The following STK38L variants were observed in gnomAD, a reference collection of about 807,000 sequenced individuals.
The protein encoded by STK38L is serine/threonine-protein kinase 38-like.
Under a neutral mutation model 59.7 loss-of-function variants are expected in STK38L, and 28 were observed. The observed-to-expected ratio is 0.47, with a 90% CI of 0.35 to 0.64. The LOEUF (loss-of-function observed/expected upper bound fraction) is 0.64. Among genes scored for constraint, STK38L ranks in the 30% least tolerant of loss-of-function variants. The pLI, the probability that STK38L is intolerant of heterozygous loss-of-function variation, is 0.01. For synonymous variants in STK38L, 162 were observed against 176.8 expected (o/e 0.92, Z 0.66); for missense variants, 314 against 555.8 (o/e 0.56, Z 4.37).
intron 1 of STK38L, 26 bp from the exon 2 acceptor site, chr12:27,297,681 GAAT>G: frequency 6.3e-7 from 1 of 1,576,648 alleles, no homozygotes; most frequent in Non-Finnish European, 8.6e-7. Flanking sequence ...TTTTCCCACT[GAAT>G]AATTTGTTTT....
chr12:27,262,415 A>G (rs1481744235), intron 1 of STK38L, among the ~76,000 whole-genome samples: 6 of 152,208 alleles, frequency 3.9e-5, no homozygotes, highest in African/African-American at 4.8e-5. Flanking sequence ...CAAAATACCT[A>G]TTGAGAAAGC....
chr12:27,248,093 T>C (rs1332251814), intron 1 of STK38L, among the ~76,000 whole-genome samples: 1 of 152,164 alleles, frequency 6.6e-6, no homozygotes, highest in East Asian at 1.9e-4. Context: ...GGATTACAGG[T>C]GTGAGCCAAT....
At chr12:27,293,880 G>T (rs1943950953) in intron 1 of STK38L, 1 of 152,184 alleles carries the variant, frequency 6.6e-6, no homozygotes, top group African/African-American at 2.4e-5. Flanking sequence ...TTTACCTTTT[G>T]TTAAGGCAAA....
chr12:27,301,481 C>T (rs550751549), intron 2 of STK38L, among the ~76,000 whole-genome samples: 84 of 152,224 alleles, frequency 5.5e-4, no homozygotes, highest in African/African-American at 1.9e-3. Context: ...AAGATGGTCT[C>T]GATCTCCTGA....
chr12:27,283,614 G>T (rs1943706994), intron 1 of STK38L, among the ~76,000 whole-genome samples: 1 of 152,198 alleles, frequency 6.6e-6, no homozygotes, highest in Admixed American at 6.5e-5. Context: ...TGGGAGGTAG[G>T]ATTGTGAGGT....
At chr12:27,277,555 A>G (rs1447138447) in intron 1 of STK38L, among the ~76,000 whole-genome samples, 1 of 152,194 alleles carries the variant, frequency 6.6e-6, no homozygotes, top group African/African-American at 2.4e-5. Context: ...AGGAAGGAAG[A>G]GCTGTCTACC....
At position 27,309,102 on chromosome 12, in the gene STK38L, TTTATCTTTTAGGTGCGG is replaced by T; in HGVS notation, c.310-9_317del. On this transcript the variant is annotated splice_acceptor_variant and splice_polypyrimidine_tract_variant and coding_sequence_variant and intron_variant, in exon 5 of 14. Transcript: ENST00000389032. LOFTEE classifies it high-confidence loss of function. ...AGTGACTGTTTTATAATATATGTTT[TTTATCTTTTAGGTGCGG>T]TTGGTCCAGAAGAAAGATACAGGCC... 1 of 1,557,762 alleles carries T rather than the reference TTTATCTTTTAGGTGCGG, an allele frequency of 6.4e-7. No homozygotes were observed. The highest frequency in any genetic ancestry group is 8.7e-7 in the Non-Finnish European group (1 of 1,153,332).
intron 2 of STK38L, chr12:27,300,575 C>A: frequency 2.2e-6 from 1 of 456,020 alleles, no homozygotes; most frequent in Non-Finnish European, 4.4e-6. Flanking sequence ...GGAAATCATT[C>A]AACAAGCAGC....
rs1419771567 is a variant in STK38L at position 27,308,276 on chromosome 12, T to C, written c.187-63T>C. On this transcript the variant is annotated intron_variant, in intron 3 of 13. Transcript: ENST00000389032. This position sits in a 1 kb window ranked among gnomAD's most constrained non-coding sequence, Gnocchi z 4.5. ...TTTTACGTGTATCATCTTTTAATACTAGAAGCTCCATCAAAACAACCTAAT... is the reference window on the plus strand; with the variant it reads ...TTTTACGTGTATCATCTTTTAATACCAGAAGCTCCATCAAAACAACCTAAT... 18 of 1,401,310 alleles carry C rather than the reference T, an allele frequency of 1.3e-5. No homozygotes were observed. Among genetic ancestry groups the C allele is most frequent in the Non-Finnish European group, 1.7e-5 (18 of 1,056,004 alleles). The allele number at this position is 1,401,310 out of a possible 1,614,324, so 86.8% of individuals were successfully genotyped here.
chr12:27,282,263 T>A (rs926229813), intron 1 of STK38L, among the ~76,000 whole-genome samples: 1 of 152,090 alleles, frequency 6.6e-6, no homozygotes, highest in Non-Finnish European at 1.5e-5. Flanking sequence ...TAAATATAGT[T>A]CCTGCATGAG....
Position 27,285,679 on chromosome 12 carries a change from A to G in STK38L, c.-11-12031A>G, listed in dbSNP as rs888532634. 1.2e-4 allele frequency among the ~76,000 whole-genome samples: 18 copies of G among 152,172 alleles called. No individual in the cohort carries two copies. The South Asian group carries it at 1.4e-3, about 12-fold the overall frequency. On this transcript the variant is annotated intron_variant, in intron 1 of 13. Transcript: ENST00000389032. ...CATCAGTTGTTCTCTGGTCACACCAAACCTTCACTTTTTAGCTCCAAATAT... is the reference window on the plus strand; with the variant it reads ...CATCAGTTGTTCTCTGGTCACACCAGACCTTCACTTTTTAGCTCCAAATAT...
chr12:27,277,620 A>G (rs1478043079), intron 1 of STK38L, among the ~76,000 whole-genome samples: 1 of 152,182 alleles, frequency 6.6e-6, no homozygotes, highest in African/African-American at 2.4e-5. Context: ...GAGATATCTT[A>G]TCTCATAATT....
In STK38L at chr12:27,308,323, TG is replaced by T. The variant is rs746245149; in HGVS notation, c.187-15del. 15 of 1,524,956 alleles carry T rather than the reference TG, an allele frequency of 9.8e-6. No individual in the cohort carries two copies. Among genetic ancestry groups the T allele is most frequent in the South Asian group, 1.3e-5 (1 of 79,420 alleles). 94.5% of individuals were successfully genotyped at this position (1,524,956 alleles called of 1,614,324 possible). On this transcript the variant is annotated splice_polypyrimidine_tract_variant and intron_variant, in intron 3 of 13. Transcript: ENST00000389032. This position sits in a 1 kb window ranked among gnomAD's most constrained non-coding sequence, Gnocchi z 4.5. Reference sequence around the variant, plus strand: ...TAATTATAAAATCATCCGTTTAAATTGTTTTTTTTTAATAGAAAAAGTTACG... The same window carrying T: ...TAATTATAAAATCATCCGTTTAAATTTTTTTTTTTAATAGAAAAAGTTACG...
chr12:27,287,891 G>T (rs1201134401), intron 1 of STK38L, among the ~76,000 whole-genome samples: 2 of 152,066 alleles, frequency 1.3e-5, no homozygotes, highest in Non-Finnish European at 2.9e-5. Flanking sequence ...GGTTTGGTTT[G>T]GTTTTGTTTG....
intron 1 of STK38L, among the ~76,000 whole-genome samples, chr12:27,279,840 C>T (rs1223433876): frequency 6.6e-6 from 1 of 151,880 alleles, no homozygotes; most frequent in Admixed American, 6.5e-5. Context: ...GAACAACATA[C>T]TCTAAAAAGG....
intron 11 of STK38L, among the ~76,000 whole-genome samples, chr12:27,318,586 A>G (rs997012622): frequency 3.9e-5 from 6 of 152,184 alleles, no homozygotes; most frequent in Non-Finnish European, 8.8e-5. Flanking sequence ...TAGGTACACT[A>G]TGATTTTCAT....
At position 27,259,421 on chromosome 12, in the gene STK38L, G is replaced by A. The variant is rs575480635; in HGVS notation, c.-12+15089G>A. On this transcript the variant is annotated intron_variant, in intron 1 of 13. Transcript: ENST00000389032. ...GCCGCTTCACGTGTCATGGGCATCAGTTCTTTCATCCTAACGCGCCACTTT... is the reference window on the plus strand; with the variant it reads ...GCCGCTTCACGTGTCATGGGCATCAATTCTTTCATCCTAACGCGCCACTTT... Among the ~76,000 whole-genome samples, 3 of 152,212 alleles carry A rather than the reference G, an allele frequency of 2.0e-5. No individual in the cohort carries two copies. In the South Asian group the frequency reaches 6.2e-4, roughly 32 times the overall value.
At chr12:27,284,739 C>T (rs931507265) in intron 1 of STK38L, among the ~76,000 whole-genome samples, 2 of 152,118 alleles carry the variant, frequency 1.3e-5, no homozygotes, top group African/African-American at 2.4e-5. Flanking sequence ...TTCTAAAGAT[C>T]ACAAGTCAAT....
intron 3 of STK38L, among the ~76,000 whole-genome samples, chr12:27,304,384 T>C (rs11832181): frequency 0.12 from 17,822 of 152,120 alleles, 1,196 homozygotes; most frequent in Non-Finnish European, 0.16. Context: ...CTGTTCCTTA[T>C]AGTTGCAATG....
Sources: gnomAD v4.1 joint callset for allele counts (sites outside exome capture counted in the v4.1 genomes callset) on GRCh38, gnomAD v4.1.1 for gene constraint, Gnocchi (gnomAD v3.1) non-coding constraint, MANE v1.5 for transcripts, NCBI Gene and HGNC (gene_info 2026-07-23, HGNC 2026-07-21) for gene names.